Variants in DTNBP1 observed in about 807,000 individuals in gnomAD.
DTNBP1 encodes dysbindin.
DTNBP1 carries 35 observed loss-of-function variants against 42.8 expected under a neutral mutation model. The ratio of observed to expected loss-of-function variants is 0.82; its 90% CI spans 0.63 to 1.09. DTNBP1 has a LOEUF of 1.09. Among genes scored for constraint, DTNBP1 ranks in the 50% least tolerant of loss-of-function variants. The pLI, the probability that DTNBP1 is intolerant of heterozygous loss-of-function variation, is 0.00. For missense variants in DTNBP1, 457 were observed against 424.2 expected, an observed-to-expected ratio of 1.08 and a Z score of -0.68; for synonymous variants, 171 against 162.2, an observed-to-expected ratio of 1.05 and a Z score of -0.41.
chr6:15,605,558 TTC>T (rs1282312219), intron 6 of DTNBP1, among the ~76,000 whole-genome samples: 4 of 152,304 alleles, frequency 2.6e-5, no homozygotes, highest in African/African-American at 9.6e-5. Context: ...TCTGAAATTA[TTC>T]TTTTTTTCTT....
rs571761958 is a variant in DTNBP1, at chr6:15,638,881, G to A, written c.162-1077C>T. On this transcript the variant is annotated intron_variant, in intron 3 of 9. Coordinates refer to ENST00000344537, the MANE Select transcript of DTNBP1 (RefSeq NM_032122.5). ...GAGACAGGGTCTCACTCTGTCACGC[G>A]GGCTGGAGTGGTGTGATCACAGCTC... is the stretch of plus-strand genomic sequence containing the variant. Among the ~76,000 whole-genome samples the A allele has an allele frequency of 2.0e-3, 300 of 149,668 alleles. 2 individuals carry two copies. Among genetic ancestry groups the A allele is most frequent in the African/African-American group, 7.2e-3 (291 of 40,654 alleles).
At chr6:15,529,065 A>G (rs1017044554) in intron 8 of DTNBP1, among the ~76,000 whole-genome samples, 1 of 152,178 alleles carries the variant, frequency 6.6e-6, no homozygotes, top group Admixed American at 6.5e-5. Context: ...TGGGAGGATC[A>G]CTCGGGCCAA....
chr6:15,586,230 CCCT>C (rs1465154375), intron 7 of DTNBP1, among the ~76,000 whole-genome samples: 2 of 152,012 alleles, frequency 1.3e-5, no homozygotes, highest in Non-Finnish European at 2.9e-5. Flanking sequence ...TATAATTTTC[CCCT>C]ACCTCATTTT....
At chr6:15,623,997 A>C (rs559007954) in intron 5 of DTNBP1, among the ~76,000 whole-genome samples, 9 of 152,340 alleles carry the variant, frequency 5.9e-5, no homozygotes, top group Admixed American at 5.9e-4. Flanking sequence ...GAATTCGCAA[A>C]GGCTAGAGAG....
At chr6:15,535,686 T>C (rs1581709699) in intron 7 of DTNBP1, among the ~76,000 whole-genome samples, 1 of 152,114 alleles carries the variant, frequency 6.6e-6, no homozygotes, top group Admixed American at 6.5e-5. Context: ...GAGTGGGGTA[T>C]TGATATAAAG....
At chr6:15,586,940 G>A (rs889082115) in intron 7 of DTNBP1, among the ~76,000 whole-genome samples, 1 of 152,126 alleles carries the variant, frequency 6.6e-6, no homozygotes. Flanking sequence ...TGCCTGTCTG[G>A]TGAATGTTGG....
chr6:15,590,795 G>A (rs1039099684), intron 7 of DTNBP1, among the ~76,000 whole-genome samples: 11 of 152,170 alleles, frequency 7.2e-5, no homozygotes, highest in Admixed American at 3.3e-4. Flanking sequence ...AACCTCAATG[G>A]AGTATTAGAA....
chr6:15,615,491 G>C, intron 5 of DTNBP1, 92 bp from the exon 6 acceptor site: 2 of 1,514,442 alleles, frequency 1.3e-6, no homozygotes, highest in Non-Finnish European at 1.8e-6. Context: ...AGTTCACATT[G>C]TTGAGATTGT....
At chr6:15,525,565 CA>C (rs1307245505) in intron 8 of DTNBP1, among the ~76,000 whole-genome samples, 15 of 152,168 alleles carry the variant, frequency 9.9e-5, no homozygotes, top group Non-Finnish European at 1.2e-4. Flanking sequence ...ACCACAGTCA[CA>C]GGAAAGGTGA....
chr6:15,566,171 C>T (rs992544038), intron 7 of DTNBP1, among the ~76,000 whole-genome samples: 17 of 151,804 alleles, frequency 1.1e-4, no homozygotes, highest in African/African-American at 4.1e-4. Flanking sequence ...AAAAATTAGC[C>T]GGGCGTAGTG....
chr6:15,546,013 G>A (rs527714632), intron 7 of DTNBP1: 14 of 448,148 alleles, frequency 3.1e-5, no homozygotes, highest in Non-Finnish European at 3.6e-5. Context: ...ATTTCCCATC[G>A]CCAGGAGGGT....
At chr6:15,630,317 C>T (rs1226356405) in intron 4 of DTNBP1, among the ~76,000 whole-genome samples, 1 of 152,128 alleles carries the variant, frequency 6.6e-6, no homozygotes, top group Non-Finnish European at 1.5e-5. Flanking sequence ...GTTATCTGCC[C>T]AAGGTCAACA....
At chr6:15,644,175 T>TAAAAAAAAA (rs35859847) in intron 3 of DTNBP1, among the ~76,000 whole-genome samples, 2 of 132,094 alleles carry the variant, frequency 1.5e-5, no homozygotes. Flanking sequence ...CAAGAACAGT[T>TAAAAAAAAA]AAAAAAAAAA....
intron 4 of DTNBP1, among the ~76,000 whole-genome samples, chr6:15,636,247 T>A (rs1342301704): frequency 6.8e-6 from 1 of 148,138 alleles, no homozygotes; most frequent in Non-Finnish European, 1.5e-5. Flanking sequence ...GCCTCCCAGG[T>A]TGAAGCGATT....
At chr6:15,524,391 T>TA (rs749000159) in intron 9 of DTNBP1, 135 bp downstream of exon 9, 1 of 1,614,024 alleles carries the variant, frequency 6.2e-7, no homozygotes, top group East Asian at 2.2e-5. Context: ...ACCGTGGGGT[T>TA]AGGGAGCCAG....
chr6:15,533,572 T>TGG, intron 7 of DTNBP1, 177 bp from the exon 8 acceptor site: 1 of 1,045,256 alleles, frequency 9.6e-7, no homozygotes, highest in Admixed American at 1.9e-5. Flanking sequence ...CTGCTGCACT[T>TGG]CCTCCCCCTA....
chr6:15,641,645 T>C (rs547293998), intron 3 of DTNBP1, among the ~76,000 whole-genome samples: 4 of 152,128 alleles, frequency 2.6e-5, no homozygotes, highest in Admixed American at 6.5e-5. Flanking sequence ...AGGTGCCAGA[T>C]ACCATACTTG....
rs746425133 is a variant in DTNBP1, at chr6:15,595,252, T to G, written c.489-2171A>C. 6 of 14,550 alleles carry G rather than the reference T, an allele frequency of 4.1e-4. No individual in the cohort carries two copies. In the South Asian group the frequency reaches 6.1e-3, roughly 15 times the overall value. The allele number at this position is 14,550 out of a possible 1,614,324, so 0.9% of individuals were successfully genotyped here. Reference sequence around the variant, plus strand: ...AGAAAAAAATCAGTATTATGCAACTTTTTTTTTTTTTTTTTTTTTTTTTTT... The same window carrying G: ...AGAAAAAAATCAGTATTATGCAACTGTTTTTTTTTTTTTTTTTTTTTTTTT... On this transcript the variant is annotated intron_variant, in intron 6 of 9. Coordinates refer to ENST00000344537, the MANE Select transcript of DTNBP1 (RefSeq NM_032122.5).
At chr6:15,657,114 A>C (rs768254013) in intron 1 of DTNBP1, among the ~76,000 whole-genome samples, 2 of 152,192 alleles carry the variant, frequency 1.3e-5, no homozygotes, top group Non-Finnish European at 2.9e-5. Context: ...ATTCACACAA[A>C]AGCTGCACAG....
Sources: allele counts gnomAD v4.1 joint callset (sites outside exome capture counted in the v4.1 genomes callset), GRCh38; gene constraint gnomAD v4.1.1; transcripts MANE v1.5; gene names NCBI Gene and HGNC (gene_info 2026-07-23, HGNC 2026-07-21).